Variants in DNAI7 observed in about 807,000 individuals in gnomAD.
The protein encoded by DNAI7 is dynein axonemal intermediate chain 7, also known as cancer susceptibility 1.
DNAI7 carries 78 observed loss-of-function variants against 86.6 expected under a neutral mutation model. The observed-to-expected ratio is 0.90, with a 90% confidence interval of 0.75 to 1.09. DNAI7 has a LOEUF of 1.09. Among genes scored for constraint, DNAI7 ranks in the 50% least tolerant of loss-of-function variants. The pLI is 0.00. For synonymous variants in DNAI7, 274 were observed against 273.0 expected (o/e 1.00, Z -0.04); for missense variants, 753 against 810.2 (o/e 0.93, Z 0.86).
chr12:25,126,767 T>C (rs1433747998), intron 9 of DNAI7, among the ~76,000 whole-genome samples: 1 of 152,200 alleles, frequency 6.6e-6, no homozygotes, highest in Non-Finnish European at 1.5e-5. Flanking sequence ...CCAAGTTGCA[T>C]TTATTTCTTT....
At chr12:25,149,278 C>T (rs1406323397) in intron 7 of DNAI7, among the ~76,000 whole-genome samples, 2 of 152,010 alleles carry the variant, frequency 1.3e-5, no homozygotes, top group African/African-American at 4.8e-5. Context: ...TATTCTATTT[C>T]TTTAAAAATA....
At chr12:25,182,990 G>A (rs1035870013) in intron 2 of DNAI7, among the ~76,000 whole-genome samples, 1 of 150,812 alleles carries the variant, frequency 6.6e-6, no homozygotes, top group African/African-American at 2.4e-5. Flanking sequence ...AAGGAGAGAA[G>A]GAGAGAAAGA....
rs1324484463 is a variant in DNAI7 at position 25,119,175 on chromosome 12, C to T, written c.1366G>A (p.Asp456Asn). The T allele has an allele frequency of 6.2e-6, 10 of 1,609,792 alleles. No individual in the cohort carries two copies. Among genetic ancestry groups the T allele is most frequent in the Non-Finnish European group, 7.6e-6 (9 of 1,178,758 alleles). Residue 456 changes from aspartate to asparagine, a missense_variant, in exon 12 of 16, where the codon GAT (aspartate) becomes AAT (asparagine). Asp to Asn is a conservative substitution (Grantham distance 23). Coordinates refer to ENST00000395987, the MANE Select transcript of DNAI7 (RefSeq NM_018272.5). ...EVHENVIFFE[D>N]PVVVRWDAEG... ...GCATCCCACCTTACAACCACAGGATCCTCAAAAAAGATTACATTCTCATGA... is the reference window on the plus strand; with the variant it reads ...GCATCCCACCTTACAACCACAGGATTCTCAAAAAAGATTACATTCTCATGA...
intron 2 of DNAI7, among the ~76,000 whole-genome samples, chr12:25,188,647 C>T (rs1468354741): frequency 1.4e-5 from 2 of 146,666 alleles, no homozygotes; most frequent in East Asian, 2.0e-4. Flanking sequence ...GCACTCCAGC[C>T]TTGGCAACAG....
intron 2 of DNAI7, among the ~76,000 whole-genome samples, chr12:25,178,041 T>C (rs1237466615): frequency 1.3e-5 from 2 of 152,218 alleles, no homozygotes; most frequent in Non-Finnish European, 1.5e-5. Context: ...ACATTTTGTT[T>C]AGGATTTTTG....
intron 1 of DNAI7, among the ~76,000 whole-genome samples, chr12:25,191,471 G>A (rs1324859933): frequency 6.6e-6 from 1 of 152,166 alleles, no homozygotes; most frequent in African/African-American, 2.4e-5. Context: ...TTGGGCGGCT[G>A]AGGAAGGTGG....
intron 2 of DNAI7, among the ~76,000 whole-genome samples, chr12:25,186,223 T>A (rs1950024261): frequency 6.6e-6 from 1 of 152,324 alleles, no homozygotes; most frequent in East Asian, 1.9e-4. Flanking sequence ...TCTATAGTCT[T>A]ACGCAATTTT....
chr12:25,108,962 A>T, intron 15 of DNAI7, 139 bp from the exon 16 acceptor site: 1 of 559,056 alleles, frequency 1.8e-6, no homozygotes, highest in East Asian at 3.0e-5. Flanking sequence ...GTGTTCCATT[A>T]CTGGGTTTTG....
At position 25,162,259 on chromosome 12, in the gene DNAI7, G is replaced by A. The variant is rs376995968; in HGVS notation, c.22-1062C>T. On this transcript the variant is annotated intron_variant, in intron 2 of 15. Transcript: ENST00000395987. Reference sequence around the variant, plus strand: ...AGTAATGATTAAAATTGGAGGCAAGGAGAGGAAAGAGGAGAGAGTCTCACA... The same window carrying A: ...AGTAATGATTAAAATTGGAGGCAAGAAGAGGAAAGAGGAGAGAGTCTCACA... Among the ~76,000 whole-genome samples the A allele has an allele frequency of 2.6e-5, 4 of 152,280 alleles. No homozygotes were observed. In the East Asian group the frequency reaches 7.7e-4, roughly 29 times the overall value.
chr12:25,114,690 G>A lies in DNAI7; in HGVS notation c.1577C>T (p.Thr526Ile), dbSNP rs1939701048. Residue 526 changes from threonine (T) to isoleucine (I), a missense_variant, in exon 13 of 16, where the codon ACT becomes ATT. Thr to Ile is a moderately conservative substitution (Grantham distance 89, BLOSUM62 -1). Transcript: ENST00000395987. ...TATTTGAATCTCAGTAAATACTGTA[G>A]TCACAGTTAAAAGTACTTTATTTAC... ...LDVNKVLLTV[T>I]TVFTEIQIQI... 3 of 1,611,910 alleles carry A rather than the reference G, an allele frequency of 1.9e-6. No individual in the cohort carries two copies. The highest frequency in any genetic ancestry group is 2.5e-6 in the Non-Finnish European group (3 of 1,178,192).
At chr12:25,116,668 T>TTTTGTAC (rs1940174996) in intron 12 of DNAI7, among the ~76,000 whole-genome samples, 1 of 152,152 alleles carries the variant, frequency 6.6e-6, no homozygotes, top group Non-Finnish European at 1.5e-5. Context: ...CCTGGCTAAT[T>TTTTGTAC]TTTTTAAGTA....
intron 2 of DNAI7, among the ~76,000 whole-genome samples, chr12:25,173,923 A>G (rs1056708972): frequency 2.1e-5 from 3 of 142,590 alleles, no homozygotes; most frequent in African/African-American, 7.7e-5. Context: ...TGGAATATAT[A>G]TATCATATAT....
chr12:25,182,347 CA>C (rs1172587693), intron 2 of DNAI7, among the ~76,000 whole-genome samples: 8,798 of 63,232 alleles, frequency 0.14, 551 homozygotes, highest in African/African-American at 0.33. Context: ...AACTTCATCT[CA>C]AAAAAAAAAA....
rs947122060 is a variant in DNAI7 at position 25,194,807 on chromosome 12, T to G, written c.3+269A>C. 3.4e-6 allele frequency: 5 copies of G among 1,458,702 alleles called. No homozygotes were observed. The African/African-American group carries it at 7.0e-5, about 20-fold the overall frequency. 90.4% of individuals were successfully genotyped at this position (1,458,702 alleles called of 1,614,324 possible). A position where few individuals can be genotyped will look rare whatever the true frequency, so the allele number is the denominator to read the frequency against. ...ACTAGGTTGGGACCAATTTTCAAGC[T>G]TAGCAACATTCGAGATCAGGATACC... On this transcript the variant is annotated intron_variant, in intron 1 of 15. Transcript: ENST00000395987.
chr12:25,167,313 T>A (rs1439183017), intron 2 of DNAI7, among the ~76,000 whole-genome samples: 1 of 152,098 alleles, frequency 6.6e-6, no homozygotes, highest in Non-Finnish European at 1.5e-5. Context: ...TCCCCCTCCC[T>A]TCCCTACACA....
chr12:25,108,667 G>A lies in DNAI7; in HGVS notation c.2050C>T (p.His684Tyr), dbSNP rs770250418. ...EETEFHSTLY[H>Y]MVKDFASEEA... ...TCAGAAGCAAAATCCTTCACCATGT[G>A]ATATAAAGTAGAATGAAACTCAGTT... The change falls in exon 16 of 16, where the codon CAC (histidine) becomes TAC (tyrosine). Residue 684 changes from histidine to tyrosine, a missense_variant. Transcript: ENST00000395987. The A allele has an allele frequency of 1.2e-6, 2 of 1,613,426 alleles. No homozygotes were observed. Among genetic ancestry groups the A allele is most frequent in the Middle Eastern group, 1.6e-4 (1 of 6,084 alleles).
chr12:25,157,394 T>G (rs768333052), intron 4 of DNAI7, among the ~76,000 whole-genome samples: 15 of 152,112 alleles, frequency 9.9e-5, no homozygotes, highest in African/African-American at 3.6e-4. Flanking sequence ...AAGGCCAGAT[T>G]TTCCTTATAT....
chr12:25,182,713 CAA>C (rs1026285343), intron 2 of DNAI7, among the ~76,000 whole-genome samples: 2 of 151,444 alleles, frequency 1.3e-5, no homozygotes, highest in African/African-American at 4.9e-5. Flanking sequence ...ACCTGAGCCC[CAA>C]AGTTTAAGAC....
In DNAI7 at chr12:25,174,614, T is replaced by G. The variant is rs868087576; in HGVS notation, c.22-13417A>C. ...ATGGGATATATATATGATATATATATCATATATATGGGATATATATCATAT... is the reference window on the plus strand; with the variant it reads ...ATGGGATATATATATGATATATATAGCATATATATGGGATATATATCATAT... On this transcript the variant is annotated intron_variant, in intron 2 of 15. Transcript: ENST00000395987. Among the ~76,000 whole-genome samples, 2 of 119,018 alleles carry G rather than the reference T, an allele frequency of 1.7e-5. 1 individual carries two copies. The highest frequency in any genetic ancestry group is 3.3e-5 in the Non-Finnish European group (2 of 60,220). 78.1% of individuals were successfully genotyped at this position (119,018 alleles called of 152,430 possible).
Sources: allele counts gnomAD v4.1 joint callset (sites outside exome capture counted in the v4.1 genomes callset), GRCh38; gene constraint gnomAD v4.1.1; transcripts MANE v1.5; gene names NCBI Gene and HGNC (gene_info 2026-07-23, HGNC 2026-07-21).